Variants in AGPAT5 observed in about 807,000 individuals in gnomAD.
The protein encoded by AGPAT5 is 1-acyl-sn-glycerol-3-phosphate acyltransferase epsilon.
In AGPAT5, 46 loss-of-function variants were observed where a neutral mutation model predicts 45.6. That is an observed-to-expected ratio of 1.01 (90% CI 0.80 to 1.29). The LOEUF is 1.29. AGPAT5 is among the 50% of genes most tolerant of loss of function. AGPAT5 has a pLI of 0.00. For synonymous variants in AGPAT5, 272 were observed against 167.0 expected (o/e 1.63, Z -4.85); for missense variants, 673 against 450.7 (o/e 1.49, Z -4.47).
intron 3 of AGPAT5, among the ~76,000 whole-genome samples, chr8:6,732,301 C>T (rs1415927193): frequency 6.6e-6 from 1 of 152,204 alleles, no homozygotes; most frequent in Non-Finnish European, 1.5e-5. Context: ...AAAGCATTTT[C>T]ATTTTAACTG....
chr8:6,739,458 T>G (rs993988117), intron 4 of AGPAT5, among the ~76,000 whole-genome samples: 1 of 152,154 alleles, frequency 6.6e-6, no homozygotes, highest in Non-Finnish European at 1.5e-5. Context: ...TTTATTTATC[T>G]CAGTGTGTTT....
chr8:6,710,002 A>C (rs1464697188), intron 1 of AGPAT5, among the ~76,000 whole-genome samples: 2 of 152,174 alleles, frequency 1.3e-5, no homozygotes, highest in African/African-American at 2.4e-5. Flanking sequence ...TTTTCCCTTT[A>C]TATGGTAACT....
intron 4 of AGPAT5, among the ~76,000 whole-genome samples, chr8:6,733,254 T>C (rs1800932386): frequency 6.6e-6 from 1 of 152,240 alleles, no homozygotes; most frequent in Admixed American, 6.5e-5. Flanking sequence ...TTGGGCTTTC[T>C]CTTTCAGTAC....
chr8:6,731,555 A>T (rs1383155115), intron 3 of AGPAT5, among the ~76,000 whole-genome samples: 1 of 152,022 alleles, frequency 6.6e-6, no homozygotes. Flanking sequence ...ATTTGTTCAC[A>T]TATTTTTGAT....
At chr8:6,721,902 G>A (rs1049814775) in intron 1 of AGPAT5, among the ~76,000 whole-genome samples, 2 of 151,984 alleles carry the variant, frequency 1.3e-5, no homozygotes, top group African/African-American at 4.8e-5. Context: ...TGTGTTGCCA[G>A]GGCTGGACTC....
chr8:6,741,937 A>T (rs895762079), intron 5 of AGPAT5, among the ~76,000 whole-genome samples, 186 bp downstream of exon 5: 5 of 152,180 alleles, frequency 3.3e-5, no homozygotes, highest in African/African-American at 1.2e-4. Flanking sequence ...TCATGCTATT[A>T]TTACATATAT....
intron 1 of AGPAT5, among the ~76,000 whole-genome samples, chr8:6,723,935 A>G (rs1356043995): frequency 6.6e-6 from 1 of 152,244 alleles, no homozygotes; most frequent in Non-Finnish European, 1.5e-5. Flanking sequence ...CTAATTTATA[A>G]TCTTGCATAA....
intron 6 of AGPAT5, among the ~76,000 whole-genome samples, chr8:6,752,438 C>T (rs376628033): frequency 2.0e-5 from 3 of 152,168 alleles, no homozygotes; most frequent in African/African-American, 4.8e-5. Context: ...AACAGCTGTA[C>T]ATGTCAGTAT....
At chr8:6,740,406 G>A (rs1366833672) in intron 4 of AGPAT5, among the ~76,000 whole-genome samples, 5 of 150,554 alleles carry the variant, frequency 3.3e-5, no homozygotes, top group African/African-American at 1.2e-4. Context: ...TTTCCTAATT[G>A]TACCCACTTT....
intron 4 of AGPAT5, among the ~76,000 whole-genome samples, chr8:6,739,587 G>T (rs895710647): frequency 6.6e-6 from 1 of 151,802 alleles, no homozygotes; most frequent in Non-Finnish European, 1.5e-5. Context: ...GTTGACCTAG[G>T]CATATATTTG....
intron 6 of AGPAT5, among the ~76,000 whole-genome samples, chr8:6,749,781 A>C (rs946419729): frequency 6.6e-6 from 1 of 152,236 alleles, no homozygotes; most frequent in African/African-American, 2.4e-5. Context: ...CCAATGAAAA[A>C]CAGATAGACT....
At chr8:6,732,750 A>T (rs776124883) in intron 4 of AGPAT5, 100 bp downstream of exon 4, 2 of 1,061,196 alleles carry the variant, frequency 1.9e-6, no homozygotes, top group South Asian at 1.8e-5. Flanking sequence ...GTATTTTCCC[A>T]TGTGTAATTA....
intron 1 of AGPAT5, among the ~76,000 whole-genome samples, chr8:6,720,104 A>T (rs1800452959): frequency 6.6e-6 from 1 of 152,168 alleles, no homozygotes; most frequent in South Asian, 2.1e-4. Context: ...GTAGTGGAAG[A>T]AGTGCTAGAA....
Position 6,760,801 on chromosome 8 carries a change from G to T in AGPAT5, c.*3413G>T, listed in dbSNP as rs2116982969. Among the ~76,000 whole-genome samples, 2 of 152,182 alleles carry T rather than the reference G, an allele frequency of 1.3e-5. No homozygotes were observed. Among genetic ancestry groups the T allele is most frequent in the Non-Finnish European group, 2.9e-5 (2 of 68,008 alleles). On this transcript the variant is annotated 3_prime_UTR_variant, in exon 8 of 8. Coordinates refer to ENST00000285518, the MANE Select transcript of AGPAT5 (RefSeq NM_018361.5). Reference sequence around the variant, plus strand: ...ATAATTGACATTATATAGAGACTATGTAACATGCAATCATTAGAATCAAAA... The same window carrying T: ...ATAATTGACATTATATAGAGACTATTTAACATGCAATCATTAGAATCAAAA...
chr8:6,746,817 A>C (rs1801484227), intron 5 of AGPAT5, among the ~76,000 whole-genome samples: 1 of 152,144 alleles, frequency 6.6e-6, no homozygotes, highest in South Asian at 2.1e-4. Context: ...TTTTCATGTC[A>C]CTTATTGAGA....
intron 5 of AGPAT5, among the ~76,000 whole-genome samples, chr8:6,746,621 C>G (rs1801474843): frequency 6.6e-6 from 1 of 152,212 alleles, no homozygotes; most frequent in South Asian, 2.1e-4. Context: ...ATCAATTTAA[C>G]TGCCCCTGCC....
chr8:6,758,879 G>T lies in AGPAT5; in HGVS notation c.*1491G>T, dbSNP rs547886260. On this transcript the variant is annotated 3_prime_UTR_variant, in exon 8 of 8. Transcript: ENST00000285518. ...TTTTTGCTGCAGAAATATATCAGTG[G>T]CCCACATTAAACATACCAGTTGGAT... The T allele has an allele frequency of 6.5e-6, 1 of 152,694 alleles. No homozygotes were observed. The highest frequency in any genetic ancestry group is 1.5e-5 in the Non-Finnish European group (1 of 68,016). The allele number at this position is 152,694 out of a possible 1,614,324, so 9.5% of individuals were successfully genotyped here. A position where few individuals can be genotyped will look rare whatever the true frequency, so the allele number is the denominator to read the frequency against.
chr8:6,708,722 C>T lies in AGPAT5; in HGVS notation c.54C>T (p.Ser18=), dbSNP rs759607760. The T allele has an allele frequency of 5.6e-6, 9 of 1,606,626 alleles. No individual in the cohort carries two copies. The Admixed American group carries it at 1.2e-4, about 21-fold the overall frequency. Residue 18 remains serine (S), a synonymous_variant, in exon 1 of 8, where the codon AGC becomes AGT. Transcript: ENST00000285518. The part of the protein sequence containing the change: ...HTYSMRYLLP[S]VVLLGTAPTY... ...ACTCCATGCGCTACCTGCTGCCCAG[C>T]GTCGTGCTCCTGGGCACGGCGCCCA... is the stretch of plus-strand genomic sequence containing the variant.
At chr8:6,717,379 G>C (rs1159819473) in intron 1 of AGPAT5, among the ~76,000 whole-genome samples, 1 of 152,128 alleles carries the variant, frequency 6.6e-6, no homozygotes, top group Non-Finnish European at 1.5e-5. Context: ...AAAGAAAGGA[G>C]GGTGATGGTA....
Sources: allele counts gnomAD v4.1 joint callset (sites outside exome capture counted in the v4.1 genomes callset), GRCh38; gene constraint gnomAD v4.1.1; transcripts MANE v1.5; gene names NCBI Gene and HGNC (gene_info 2026-07-23, HGNC 2026-07-21).